The following SLC35D4 variants were observed in gnomAD, a reference collection of about 807,000 sequenced individuals.
SLC35D4 encodes solute carrier family 35 member D4.
chr18:23,317,473 A>G, the SLC35D4 span, among the ~76,000 whole-genome samples: 1 of 152,236 alleles, frequency 6.6e-6, no homozygotes, highest in Admixed American at 6.5e-5. Context: ...ACCATTTTAC[A>G]TTTCCACCAG....
At chr18:23,418,620 T>C in the SLC35D4 span, among the ~76,000 whole-genome samples, 1 of 151,200 alleles carries the variant, frequency 6.6e-6, no homozygotes, top group Non-Finnish European at 1.5e-5. Context: ...ATTACAGGCA[T>C]GAGCCACCAC....
chr18:23,296,871 T>C, the SLC35D4 span: 1 of 151,332 alleles, frequency 6.6e-6, no homozygotes, highest in South Asian at 2.1e-4. Flanking sequence ...AAAAAGGACA[T>C]GCAGAATTCA....
At chr18:23,419,312 G>C in the SLC35D4 span, among the ~76,000 whole-genome samples, 9 of 151,330 alleles carry the variant, frequency 5.9e-5, no homozygotes. Context: ...TCTTTTTTGA[G>C]ACGGAGTTTC....
At chr18:23,275,152 G>A in the SLC35D4 span, among the ~76,000 whole-genome samples, 1 of 151,954 alleles carries the variant, frequency 6.6e-6, no homozygotes, top group Admixed American at 6.6e-5. Context: ...GTGCGTGTGT[G>A]TGTGTGCAGG....
the SLC35D4 span, among the ~76,000 whole-genome samples, chr18:23,368,154 A>G: frequency 1.8e-4 from 28 of 152,178 alleles, no homozygotes; most frequent in African/African-American, 6.5e-4. Context: ...CTGGTGCTGC[A>G]TGTCAGAATG....
the SLC35D4 span, chr18:23,253,745 C>T: frequency 1.9e-5 from 31 of 1,614,074 alleles, no homozygotes; most frequent in Admixed American, 5.0e-5. Context: ...ACGAGAGATG[C>T]GGAAGCTTGC....
the SLC35D4 span, chr18:23,258,591 C>T: frequency 2.0e-5 from 3 of 152,234 alleles, no homozygotes; most frequent in African/African-American, 7.2e-5. Flanking sequence ...AGCTGAAGTT[C>T]CCCTGACTGA....
the SLC35D4 span, among the ~76,000 whole-genome samples, chr18:23,383,424 AGG>A: frequency 5.0e-3 from 3 of 602 alleles, no homozygotes; most frequent in Non-Finnish European, 0.047. Context: ...GAGAGGCCAG[AGG>A]AGAAAGCGGG....
chr18:23,270,765 CTT>C, the SLC35D4 span, among the ~76,000 whole-genome samples: 1 of 152,310 alleles, frequency 6.6e-6, no homozygotes, highest in Admixed American at 6.5e-5. Flanking sequence ...GTAAATTACT[CTT>C]TCTTTACTGC....
the SLC35D4 span, chr18:23,385,002 A>C: frequency 6.2e-7 from 1 of 1,613,790 alleles, no homozygotes; most frequent in Non-Finnish European, 8.5e-7. Context: ...CTTTCTGAAA[A>C]CACTTCTGGT....
chr18:23,260,333 G>A, the SLC35D4 span: 2 of 152,228 alleles, frequency 1.3e-5, no homozygotes, highest in African/African-American at 4.8e-5. Flanking sequence ...GCTCAGCTTG[G>A]GGCGGCCGCT....
At chr18:23,256,429 T>C in the SLC35D4 span, among the ~76,000 whole-genome samples, 1 of 152,226 alleles carries the variant, frequency 6.6e-6, no homozygotes, top group Non-Finnish European at 1.5e-5. Flanking sequence ...ATCAGTGCAC[T>C]CCCTTCTGAA....
the SLC35D4 span, among the ~76,000 whole-genome samples, chr18:23,406,631 T>C: frequency 6.6e-6 from 1 of 152,194 alleles, no homozygotes; most frequent in African/African-American, 2.4e-5. Flanking sequence ...TGCCTAGCTA[T>C]AGCCAGTTAT....
chr18:23,293,480 A>C, the SLC35D4 span, among the ~76,000 whole-genome samples: 317 of 152,378 alleles, frequency 2.1e-3, no homozygotes, highest in African/African-American at 7.1e-3. Flanking sequence ...AAAAATATTA[A>C]GTCTTTGAAA....
chr18:23,359,961 C>T, the SLC35D4 span, among the ~76,000 whole-genome samples: 56 of 152,280 alleles, frequency 3.7e-4, 1 homozygote, highest in Non-Finnish European at 1.2e-4. Context: ...TGGTGGGGCC[C>T]ATGCTGAGGG....
the SLC35D4 span, among the ~76,000 whole-genome samples, chr18:23,375,448 G>T: frequency 1.7e-3 from 259 of 152,256 alleles, 3 homozygotes; most frequent in Middle Eastern, 0.014. Flanking sequence ...TATACATTGA[G>T]ATAGCAAGAA....
At chr18:23,373,062 C>A in the SLC35D4 span, among the ~76,000 whole-genome samples, 1 of 152,122 alleles carries the variant, frequency 6.6e-6, no homozygotes, top group Non-Finnish European at 1.5e-5. Context: ...GCCTGTAATA[C>A]CAGCACCTTG....
At chr18:23,387,193 G>A in the SLC35D4 span, among the ~76,000 whole-genome samples, 1 of 152,124 alleles carries the variant, frequency 6.6e-6, no homozygotes. Flanking sequence ...TTACAGGTGT[G>A]AGCCACTGCC....
At chr18:23,388,672 C>T in the SLC35D4 span, among the ~76,000 whole-genome samples, 2,678 of 152,298 alleles carry the variant, frequency 0.018, 293 homozygotes, top group Admixed American at 0.16. Flanking sequence ...TGTGTCCCCA[C>T]CCAAATCTTA....
Sources: gnomAD v4.1 joint callset for allele counts (sites outside exome capture counted in the v4.1 genomes callset) on GRCh38, gnomAD v4.1.1 for gene constraint, MANE v1.5 for transcripts, NCBI Gene and HGNC (gene_info 2026-07-23, HGNC 2026-07-21) for gene names.